SYT6: variants seen among roughly 807,000 people sequenced by gnomAD.
SYT6 encodes the protein synaptotagmin 6.
A neutral mutation model predicts 38.4 loss-of-function variants in SYT6; 24 were observed. The ratio of observed to expected loss-of-function variants is 0.62; its 90% CI spans 0.45 to 0.88. The LOEUF is 0.88. Among genes scored for constraint, SYT6 ranks in the 40% least tolerant of loss-of-function variants. The probability of loss-of-function intolerance (pLI) is 0.00; values close to 1 mark genes in which losing one functional copy is unlikely to be tolerated. For missense variants in SYT6, 611 were observed against 621.0 expected (o/e 0.98, Z 0.17); for synonymous variants, 265 against 241.9 (o/e 1.10, Z -0.89).
At position 114,102,239 on chromosome 1, in the gene SYT6, C is replaced by T. The variant is rs535128050; in HGVS notation, c.1192+1362G>A. On this transcript the variant is annotated intron_variant, in intron 4 of 7. Transcript: ENST00000610222. Reference sequence around the variant, plus strand: ...TATTTTGGTATTAAAATGAAATCTACATTGGCTGTATTTTAGGGGAAGCTG... The same window carrying T: ...TATTTTGGTATTAAAATGAAATCTATATTGGCTGTATTTTAGGGGAAGCTG... Among the ~76,000 whole-genome samples the T allele has an allele frequency of 2.6e-5, 4 of 152,204 alleles. No individual in the cohort carries two copies. The South Asian group carries it at 8.3e-4, about 32-fold the overall frequency.
chr1:114,104,820 A>G (rs1676187553), intron 3 of SYT6, among the ~76,000 whole-genome samples: 1 of 152,104 alleles, frequency 6.6e-6, no homozygotes, highest in African/African-American at 2.4e-5. Context: ...ATAAATTTCA[A>G]CTTAAAAAAA....
rs1329506742 is a variant in SYT6 at position 114,091,991 on chromosome 1, G to C, written c.*143C>G. On this transcript the variant is annotated 3_prime_UTR_variant, in exon 8 of 8. Transcript: ENST00000610222. Reference sequence around the variant, plus strand: ...AAGAGAACATTGCTGAGTCCCATTTGTGTTATTTGGCTGCACATCTCATGG... The same window carrying C: ...AAGAGAACATTGCTGAGTCCCATTTCTGTTATTTGGCTGCACATCTCATGG... 2.6e-6 allele frequency: 4 copies of C among 1,535,668 alleles called. No individual in the cohort carries two copies. Among genetic ancestry groups the C allele is most frequent in the Non-Finnish European group, 3.5e-6 (4 of 1,146,490 alleles).
chr1:114,096,240 C>T (rs1478977709), intron 6 of SYT6, among the ~76,000 whole-genome samples: 1 of 152,016 alleles, frequency 6.6e-6, no homozygotes, highest in Non-Finnish European at 1.5e-5. Flanking sequence ...GCTCCTCACC[C>T]ACACTCTGCA....
chr1:114,131,765 C>T (rs1678172894), intron 3 of SYT6, among the ~76,000 whole-genome samples: 1 of 152,126 alleles, frequency 6.6e-6, no homozygotes, highest in Non-Finnish European at 1.5e-5. Context: ...TAAAAAGAAA[C>T]AATGTCAAAC....
At chr1:114,148,003 C>G (rs1299702318) in intron 1 of SYT6, among the ~76,000 whole-genome samples, 2 of 152,192 alleles carry the variant, frequency 1.3e-5, no homozygotes, top group Non-Finnish European at 2.9e-5. Context: ...TGAGGGACGT[C>G]AGGCCCCTCT....
intron 3 of SYT6, among the ~76,000 whole-genome samples, chr1:114,117,213 G>C (rs1351738299): frequency 6.6e-6 from 1 of 152,230 alleles, no homozygotes; most frequent in African/African-American, 2.4e-5. Context: ...TCATGCTTGA[G>C]GTGGCTACCT....
chr1:114,153,237 G>T (rs775626255), intron 1 of SYT6, among the ~76,000 whole-genome samples: 3 of 152,176 alleles, frequency 2.0e-5, no homozygotes, highest in Non-Finnish European at 2.9e-5. Context: ...TCAGCCGGGC[G>T]CCCCTCGTCT....
Position 114,144,418 on chromosome 1 carries a change from G to C in SYT6, c.164-4455C>G, listed in dbSNP as rs541297544. Among the ~76,000 whole-genome samples, 71 of 152,324 alleles carry C rather than the reference G, an allele frequency of 4.7e-4. 1 individual carries two copies. The South Asian group carries it at 0.015, about 31-fold the overall frequency. On this transcript the variant is annotated intron_variant, in intron 1 of 7. Transcript: ENST00000610222. ...CAGAAGGGACTTGCTTGGAGTCACA[G>C]GTTGGTCAGACACAGAACCTGGACT...
intron 3 of SYT6, among the ~76,000 whole-genome samples, chr1:114,125,756 C>T (rs1571867135): frequency 6.6e-6 from 1 of 152,152 alleles, no homozygotes; most frequent in Non-Finnish European, 1.5e-5. Context: ...TATTTATGTA[C>T]CATGGGGAGA....
intron 7 of SYT6, 85 bp from the exon 8 acceptor site, chr1:114,092,167 A>G: frequency 7.9e-7 from 1 of 1,269,288 alleles, no homozygotes. Context: ...CAATGCACTG[A>G]ATTCACCTTT....
chr1:114,117,102 C>T (rs933146822), intron 3 of SYT6, among the ~76,000 whole-genome samples: 11 of 152,186 alleles, frequency 7.2e-5, no homozygotes, highest in Non-Finnish European at 1.5e-4. Flanking sequence ...TGGAGTTGGG[C>T]ACAGAACCTG....
At position 114,106,125 on chromosome 1, in the gene SYT6, A is replaced by C. The variant is rs901145; in HGVS notation, c.1072-2404T>G. On this transcript the variant is annotated intron_variant, in intron 3 of 7. Transcript: ENST00000610222. ...CTGCGGCAGGGGGCAGATCAGCATC[A>C]CATCTGGCTAAATATTCCATGTCTC... Among the ~76,000 whole-genome samples the C allele has an allele frequency of 2.9e-3, 438 of 152,298 alleles. 1 individual carries two copies. Among genetic ancestry groups the C allele is most frequent in the African/African-American group, 0.01 (416 of 41,560 alleles).
At chr1:114,108,351 A>T (rs1352543318) in intron 3 of SYT6, among the ~76,000 whole-genome samples, 1 of 152,200 alleles carries the variant, frequency 6.6e-6, no homozygotes, top group Non-Finnish European at 1.5e-5. Flanking sequence ...TGATGCAGTC[A>T]CATAGTCCTG....
chr1:114,099,991 G>A (rs1299197445), intron 4 of SYT6, among the ~76,000 whole-genome samples: 5 of 152,168 alleles, frequency 3.3e-5, no homozygotes. Flanking sequence ...GCAGCTGGTT[G>A]ACATTTCCTT....
At chr1:114,143,694 T>C (rs2629825) in intron 1 of SYT6, among the ~76,000 whole-genome samples, 114,870 of 151,896 alleles carry the variant, frequency 0.76, 44,615 homozygotes, top group African/African-American at 0.93. Flanking sequence ...CCAAGGTATT[T>C]GTGTACAAAT....
At chr1:114,095,723 C>G (rs1046395806) in intron 6 of SYT6, among the ~76,000 whole-genome samples, 2 of 151,018 alleles carry the variant, frequency 1.3e-5, no homozygotes, top group African/African-American at 4.9e-5. Flanking sequence ...TGCAGTGGTG[C>G]GATCTCAGCT....
Position 114,090,108 on chromosome 1 carries a change from C to G in SYT6, c.*2026G>C, listed in dbSNP as rs1675213231. On this transcript the variant is annotated 3_prime_UTR_variant, in exon 8 of 8. Transcript: ENST00000610222. Reference sequence around the variant, plus strand: ...TATGACCCAGGGAACTCAGTTGTCTCCTTTGTAATGGCAAGGCCTTCAGCA... The same window carrying G: ...TATGACCCAGGGAACTCAGTTGTCTGCTTTGTAATGGCAAGGCCTTCAGCA... 1 of 152,358 alleles carries G rather than the reference C, an allele frequency of 6.6e-6. No homozygotes were observed. Among genetic ancestry groups the G allele is most frequent in the Non-Finnish European group, 1.5e-5 (1 of 68,044 alleles). 9.4% of individuals were successfully genotyped at this position (152,358 alleles called of 1,614,324 possible).
At chr1:114,096,976 G>T (rs1200568079) in intron 6 of SYT6, among the ~76,000 whole-genome samples, 1 of 152,166 alleles carries the variant, frequency 6.6e-6, no homozygotes, top group Non-Finnish European at 1.5e-5. Context: ...TAGAATACAG[G>T]ATCCTAAGTC....
At chr1:114,102,358 A>T (rs955561492) in intron 4 of SYT6, among the ~76,000 whole-genome samples, 1 of 152,174 alleles carries the variant, frequency 6.6e-6, no homozygotes, top group Non-Finnish European at 1.5e-5. Context: ...AGGGACTCAG[A>T]GCTGCAACAA....
Sources: gnomAD v4.1 joint callset for allele counts (sites outside exome capture counted in the v4.1 genomes callset) on GRCh38, gnomAD v4.1.1 for gene constraint, MANE v1.5 for transcripts, NCBI Gene and HGNC (gene_info 2026-07-23, HGNC 2026-07-21) for gene names.